MILR1: variants seen among roughly 807,000 people sequenced by gnomAD.
The protein encoded by MILR1 is mast cell immunoglobulin like receptor 1.
Under a neutral mutation model 18.5 loss-of-function variants are expected in MILR1, and 31 were observed. That is an observed-to-expected ratio of 1.68 (90% CI 1.26 to 2.26). The LOEUF (loss-of-function observed/expected upper bound fraction) is 2.26. Ranked by LOEUF, MILR1 falls within the 30% of genes most tolerant of loss-of-function variation. The pLI, the probability that MILR1 is intolerant of heterozygous loss-of-function variation, is 0.00. For missense variants in MILR1, 257 were observed against 157.4 expected, an observed-to-expected ratio of 1.63 and a Z score of -3.38; for synonymous variants, 85 against 56.2, an observed-to-expected ratio of 1.51 and a Z score of -2.30.
the MILR1 span, among the ~76,000 whole-genome samples, chr17:64,486,042 G>A: frequency 6.6e-6 from 1 of 152,062 alleles, no homozygotes; most frequent in African/African-American, 2.4e-5. Flanking sequence ...TCAGCCTCCT[G>A]AGTACATATT....
the MILR1 span, chr17:64,491,772 C>A: frequency 1.6e-6 from 1 of 637,914 alleles, no homozygotes; most frequent in Non-Finnish European, 2.9e-6. Flanking sequence ...GCACGAGCGG[C>A]TATGCAAGTA....
At chr17:64,496,810 G>C in the MILR1 span, 1 of 1,613,736 alleles carries the variant, frequency 6.2e-7, no homozygotes, top group Non-Finnish European at 8.5e-7. Flanking sequence ...GGTGCTCGCC[G>C]TTCCCCTCGA....
At chr17:64,487,225 C>T in the MILR1 span, 2 of 152,174 alleles carry the variant, frequency 1.3e-5, no homozygotes, top group South Asian at 2.1e-4. Flanking sequence ...TAAAGATTCA[C>T]AAGAATTTGC....
chr17:64,496,826 G>C, the MILR1 span: 22 of 1,613,626 alleles, frequency 1.4e-5, no homozygotes, highest in Non-Finnish European at 1.7e-5. Flanking sequence ...CTCGAGCTCC[G>C]CGTGCGACTT....
At chr17:64,485,786 T>C in the MILR1 span, 3 of 1,612,762 alleles carry the variant, frequency 1.9e-6, no homozygotes, top group Admixed American at 1.7e-5. Context: ...GAAAGAATCA[T>C]AGAGGTAGGC....
At chr17:64,469,452 C>G (rs973126643), downstream of MILR1, among the ~76,000 whole-genome samples, 4 of 152,166 alleles carry the variant, frequency 2.6e-5, no homozygotes, top group Non-Finnish European at 5.9e-5. Flanking sequence ...GGTTGGAGTG[C>G]CATGGTACGA....
chr17:64,496,326 G>T, the MILR1 span: 1 of 886,452 alleles, frequency 1.1e-6, no homozygotes, highest in Non-Finnish European at 1.8e-6. Flanking sequence ...TACAGGGCCA[G>T]TTGCAATCCC....
intron 5 of MILR1, among the ~76,000 whole-genome samples, chr17:64,464,784 C>T (rs1022738695): frequency 1.3e-5 from 2 of 152,192 alleles, no homozygotes; most frequent in African/African-American, 2.4e-5. Context: ...ATTAGCCAGG[C>T]ATTGTGGCAC....
At chr17:64,454,351 T>C (rs1156726447) in intron 3 of MILR1, among the ~76,000 whole-genome samples, 1 of 152,216 alleles carries the variant, frequency 6.6e-6, no homozygotes, top group African/African-American at 2.4e-5. Flanking sequence ...CTCAGCATCC[T>C]GAATAGCTTG....
At chr17:64,486,197 G>A in the MILR1 span, among the ~76,000 whole-genome samples, 1 of 152,122 alleles carries the variant, frequency 6.6e-6, no homozygotes, top group Non-Finnish European at 1.5e-5. Flanking sequence ...TCATCAGCGA[G>A]GCCCAAATGT....
rs982992256 is a variant in MILR1, at chr17:64,457,355, C to T, written c.368-45C>T. ...CTCATATTTGTGGTCTGAGTGAGCA[C>T]ACCCAGTCTGTTTATCCTTTTCATG... is the stretch of plus-strand genomic sequence containing the variant. On this transcript the variant is annotated intron_variant, in intron 3 of 9. Transcript: ENST00000619286. The T allele has an allele frequency of 1.4e-4, 64 of 463,136 alleles. No homozygotes were observed. The Admixed American group carries it at 2.2e-3, about 16-fold the overall frequency. 28.7% of individuals were successfully genotyped at this position (463,136 alleles called of 1,614,324 possible).
At chr17:64,465,662 T>G in intron 6 of MILR1, 121 bp downstream of exon 6, 1 of 949,342 alleles carries the variant, frequency 1.1e-6, no homozygotes, top group Non-Finnish European at 1.6e-6. Context: ...CAATGTCTAT[T>G]GATGCCCAGT....
At chr17:64,472,077 T>C (rs188035837), downstream of MILR1, among the ~76,000 whole-genome samples, 1 of 152,278 alleles carries the variant, frequency 6.6e-6, no homozygotes, top group African/African-American at 2.4e-5. Context: ...CTTTTATAGG[T>C]ATGACTCACA....
At chr17:64,490,892 G>C in the MILR1 span, 1 of 1,613,660 alleles carries the variant, frequency 6.2e-7, no homozygotes, top group Non-Finnish European at 8.5e-7. Flanking sequence ...AGGGAAAATT[G>C]TAGTAAAGTT....
At chr17:64,472,051 C>T (rs2037693504), downstream of MILR1, among the ~76,000 whole-genome samples, 3 of 152,104 alleles carry the variant, frequency 2.0e-5, no homozygotes, top group Admixed American at 2.0e-4. Context: ...TAAAAATAAT[C>T]TTGAAGTGGG....
chr17:64,465,913 AG>A (rs1158648082), intron 6 of MILR1, among the ~76,000 whole-genome samples: 3 of 152,164 alleles, frequency 2.0e-5, no homozygotes, highest in Non-Finnish European at 4.4e-5. Flanking sequence ...ATTGCTTTGC[AG>A]TAAACAAGAC....
At chr17:64,456,785 G>C in intron 3 of MILR1, among the ~76,000 whole-genome samples, 1 of 152,228 alleles carries the variant, frequency 6.6e-6, no homozygotes, top group Non-Finnish European at 1.5e-5. Flanking sequence ...ATGGTTGAAA[G>C]AGCAAAACCC....
chr17:64,472,465 C>CAAAAAAAAAAAAAAAAAAAAAAAAA (rs71158332), downstream of MILR1, among the ~76,000 whole-genome samples: 1 of 13,916 alleles, frequency 7.2e-5, no homozygotes, highest in African/African-American at 1.7e-4. Flanking sequence ...GACTCCATCT[C>CAAAAAAAAAAAAAAAAAAAAAAAAA]AAAAAAAAAA....
At chr17:64,463,101 C>G (rs1000814923) in intron 5 of MILR1, among the ~76,000 whole-genome samples, 3,060 of 152,280 alleles carry the variant, frequency 0.02, 98 homozygotes, top group African/African-American at 0.069. Flanking sequence ...CATCATTTCT[C>G]TCTTCCCCAC....
Sources: gnomAD v4.1 joint callset for allele counts (sites outside exome capture counted in the v4.1 genomes callset) on GRCh38, gnomAD v4.1.1 for gene constraint, MANE v1.5 for transcripts, NCBI Gene and HGNC (gene_info 2026-07-23, HGNC 2026-07-21) for gene names.